The following FRMD4A variants were observed in gnomAD, a reference collection of about 807,000 sequenced individuals.
FRMD4A encodes the protein FERM domain-containing protein 4A.
A neutral mutation model predicts 129.1 loss-of-function variants in FRMD4A; 29 were observed. The ratio of observed to expected loss-of-function variants is 0.22; its 90% CI spans 0.17 to 0.31. The LOEUF (loss-of-function observed/expected upper bound fraction) is 0.31. Among genes scored for constraint, FRMD4A ranks in the 10% least tolerant of loss-of-function variants. The pLI, the probability that FRMD4A is intolerant of heterozygous loss-of-function variation, is 1.00. For missense variants in FRMD4A, 1,272 were observed against 1,375.8 expected, an observed-to-expected ratio of 0.92 and a Z score of 1.19; for synonymous variants, 634 against 571.6, an observed-to-expected ratio of 1.11 and a Z score of -1.56.
At chr10:14,293,620 G>GAA (rs368317603) in intron 2 of FRMD4A, among the ~76,000 whole-genome samples, 2,930 of 147,018 alleles carry the variant, frequency 0.02, 87 homozygotes, top group East Asian at 0.1. Context: ...TGAAGATAGA[G>GAA]AAAAAAAAAA....
At chr10:13,835,066 T>C (rs967269122) in intron 3 of FRMD4A, among the ~76,000 whole-genome samples, 12 of 152,198 alleles carry the variant, frequency 7.9e-5, no homozygotes, top group Admixed American at 7.9e-4. Flanking sequence ...TTAGGATGCA[T>C]AGAAAGAAAT....
chr10:14,328,293 G>T (rs1382395407), intron 2 of FRMD4A, among the ~76,000 whole-genome samples: 3 of 145,212 alleles, frequency 2.1e-5, no homozygotes, highest in African/African-American at 7.7e-5. Flanking sequence ...TGAAGTCTGA[G>T]ATGTAGACAC....
At chr10:14,206,411 T>A (rs1842782317) in intron 2 of FRMD4A, among the ~76,000 whole-genome samples, 1 of 152,228 alleles carries the variant, frequency 6.6e-6, no homozygotes, top group African/African-American at 2.4e-5. Context: ...AATATCTTCA[T>A]CTACTTTCTG....
chr10:13,865,760 T>C lies in FRMD4A; in HGVS notation c.46-6848A>G, dbSNP rs577525612. 3.9e-5 allele frequency among the ~76,000 whole-genome samples: 6 copies of C among 152,260 alleles called. No individual in the cohort carries two copies. The South Asian group carries it at 1.2e-3, about 32-fold the overall frequency. The stretch of plus-strand genomic sequence containing the variant: ...CTAGAGCATTTTTATAGAAATGTAA[T>C]GCAGTTGTGCAAATTGATCCTGAAC... On this transcript the variant is annotated intron_variant, in intron 2 of 24. Coordinates refer to ENST00000357447, the MANE Select transcript of FRMD4A (RefSeq NM_018027.5).
chr10:13,856,470 T>C (rs1456155131), intron 3 of FRMD4A, among the ~76,000 whole-genome samples: 2 of 152,068 alleles, frequency 1.3e-5, no homozygotes, highest in Non-Finnish European at 2.9e-5. Context: ...CAGGAAGTGA[T>C]AACAAGTACA....
At chr10:14,228,957 C>T (rs536555190) in intron 2 of FRMD4A, among the ~76,000 whole-genome samples, 5 of 152,250 alleles carry the variant, frequency 3.3e-5, no homozygotes, top group Admixed American at 6.5e-5. Flanking sequence ...TGTTTAAGCA[C>T]GGTGTGACAG....
intron 6 of FRMD4A, among the ~76,000 whole-genome samples, chr10:13,765,409 G>T (rs551944533): frequency 2.0e-5 from 3 of 152,224 alleles, no homozygotes; most frequent in Non-Finnish European, 4.4e-5. Flanking sequence ...GAGCCACCAT[G>T]CCCGGCCGAT....
intron 2 of FRMD4A, among the ~76,000 whole-genome samples, chr10:13,910,939 G>T (rs1043617185): frequency 5.0e-5 from 7 of 139,632 alleles, no homozygotes; most frequent in East Asian, 2.1e-4. Flanking sequence ...CTAGTGGTTT[G>T]AAAACTTGTC....
chr10:14,083,068 C>T (rs1338318447), intron 2 of FRMD4A: 1 of 152,216 alleles, frequency 6.6e-6, no homozygotes, highest in Non-Finnish European at 1.5e-5. Flanking sequence ...GTCTGTCTGA[C>T]TGTAGAGCCC....
intron 14 of FRMD4A, among the ~76,000 whole-genome samples, chr10:13,696,900 T>G (rs2086276955): frequency 6.6e-6 from 1 of 152,186 alleles, no homozygotes; most frequent in Non-Finnish European, 1.5e-5. Context: ...GTAGATAATT[T>G]ATGTAAAGGC....
chr10:13,744,185 A>G (rs778127942), intron 9 of FRMD4A, among the ~76,000 whole-genome samples: 1 of 152,056 alleles, frequency 6.6e-6, no homozygotes, highest in Non-Finnish European at 1.5e-5. Context: ...TTTCGGGGTT[A>G]AAAATAGATG....
At chr10:14,267,342 CAT>C (rs1030733022) in intron 2 of FRMD4A, among the ~76,000 whole-genome samples, 7 of 152,132 alleles carry the variant, frequency 4.6e-5, no homozygotes, top group Non-Finnish European at 1.0e-4. Context: ...GGGATGTCTT[CAT>C]ATATCTTCTC....
intron 2 of FRMD4A, among the ~76,000 whole-genome samples, chr10:13,900,891 C>T (rs900175570): frequency 9.2e-5 from 14 of 151,912 alleles, no homozygotes; most frequent in Admixed American, 8.5e-4. Context: ...AGCGAGATTC[C>T]GTCTCTAAAA....
intron 2 of FRMD4A, among the ~76,000 whole-genome samples, chr10:14,175,580 G>A (rs1371473601): frequency 6.9e-6 from 1 of 145,912 alleles, no homozygotes; most frequent in Non-Finnish European, 1.5e-5. Flanking sequence ...GCAGTACAGT[G>A]GTGCAATGAT....
At chr10:14,137,696 C>A (rs1323108375) in intron 2 of FRMD4A, among the ~76,000 whole-genome samples, 13 of 152,146 alleles carry the variant, frequency 8.5e-5, no homozygotes, top group Non-Finnish European at 1.3e-4. Context: ...GTTCATACCC[C>A]GCAACCATCT....
At chr10:13,907,369 C>T (rs1327273126) in intron 2 of FRMD4A, among the ~76,000 whole-genome samples, 1 of 152,106 alleles carries the variant, frequency 6.6e-6, no homozygotes, top group Non-Finnish European at 1.5e-5. Flanking sequence ...CACAGCAGGT[C>T]TTGTTAATTC....
At chr10:13,695,996 G>A (rs533657754) in intron 14 of FRMD4A, among the ~76,000 whole-genome samples, 7 of 152,232 alleles carry the variant, frequency 4.6e-5, no homozygotes, top group Non-Finnish European at 1.0e-4. Context: ...ACTGAGGCAT[G>A]GCGCTTGTTT....
intron 2 of FRMD4A, among the ~76,000 whole-genome samples, chr10:13,924,978 C>A (rs894061437): frequency 3.4e-5 from 5 of 146,110 alleles, no homozygotes; most frequent in Non-Finnish European, 7.4e-5. Context: ...GCAGGAGAAT[C>A]ACTTGAACCT....
At chr10:13,886,502 G>A (rs1011917721) in intron 2 of FRMD4A, among the ~76,000 whole-genome samples, 1 of 152,226 alleles carries the variant, frequency 6.6e-6, no homozygotes, top group Non-Finnish European at 1.5e-5. Context: ...ACTAAGAAAA[G>A]TTTTGACACA....
Sources: gnomAD v4.1 joint callset for allele counts (sites outside exome capture counted in the v4.1 genomes callset) on GRCh38, gnomAD v4.1.1 for gene constraint, MANE v1.5 for transcripts, NCBI Gene and HGNC (gene_info 2026-07-23, HGNC 2026-07-21) for gene names.